PSTPIP2: variants seen among roughly 807,000 people sequenced by gnomAD.
PSTPIP2 encodes proline-serine-threonine phosphatase-interacting protein 2.
A neutral mutation model predicts 63.3 loss-of-function variants in PSTPIP2; 33 were observed. That is an observed-to-expected ratio of 0.52 (90% confidence interval 0.40 to 0.70). PSTPIP2 has a LOEUF of 0.70. Among genes scored for constraint, PSTPIP2 ranks in the 30% least tolerant of loss-of-function variants. The pLI, the probability that PSTPIP2 is intolerant of heterozygous loss-of-function variation, is 0.00. For missense variants in PSTPIP2, 312 were observed against 400.7 expected (o/e 0.78, Z 1.89); for synonymous variants, 125 against 132.7 (o/e 0.94, Z 0.40).
chr18:45,987,747 C>G (rs924837328), intron 14 of PSTPIP2, among the ~76,000 whole-genome samples: 2 of 152,112 alleles, frequency 1.3e-5, no homozygotes, highest in Non-Finnish European at 2.9e-5. Context: ...TTTAGTATCG[C>G]TACTTTGGCT....
intron 1 of PSTPIP2, chr18:46,041,084 GTCAAGGGTA>G: frequency 4.4e-6 from 2 of 456,654 alleles, no homozygotes; most frequent in Non-Finnish European, 8.8e-6. Context: ...GCTATTGAGG[GTCAAGGGTA>G]TCTCTACAAA....
chr18:46,032,920 A>C (rs1212307731), intron 2 of PSTPIP2, among the ~76,000 whole-genome samples: 1 of 152,226 alleles, frequency 6.6e-6, no homozygotes, highest in Non-Finnish European at 1.5e-5. Flanking sequence ...GAGTGAACTG[A>C]AAAGATGAAA....
chr18:46,038,411 G>A (rs1908061791), intron 2 of PSTPIP2, among the ~76,000 whole-genome samples: 1 of 152,170 alleles, frequency 6.6e-6, no homozygotes, highest in South Asian at 2.1e-4. Context: ...CTGGGGTCCT[G>A]AGCCGACAGA....
At chr18:46,017,389 T>G (rs1208154410) in intron 3 of PSTPIP2, among the ~76,000 whole-genome samples, 1 of 152,148 alleles carries the variant, frequency 6.6e-6, no homozygotes, top group Non-Finnish European at 1.5e-5. Context: ...TCCTTTTAAT[T>G]TATCATTCTT....
intron 9 of PSTPIP2, among the ~76,000 whole-genome samples, chr18:45,997,456 G>C (rs1369317268): frequency 5.9e-5 from 9 of 152,112 alleles, no homozygotes; most frequent in African/African-American, 2.2e-4. Context: ...CCAAAGTGCT[G>C]GGATTACAGG....
intron 1 of PSTPIP2, among the ~76,000 whole-genome samples, chr18:46,071,652 G>A (rs1248158260): frequency 2.0e-5 from 3 of 152,116 alleles, no homozygotes; most frequent in Non-Finnish European, 1.5e-5. Flanking sequence ...CGATCCCGGG[G>A]GGCAGCTGCT....
intron 2 of PSTPIP2, among the ~76,000 whole-genome samples, chr18:46,025,341 A>G (rs1323924654): frequency 6.6e-6 from 1 of 152,144 alleles, no homozygotes; most frequent in Non-Finnish European, 1.5e-5. Flanking sequence ...CTCACGGTAA[A>G]AGACTGTAAC....
intron 5 of PSTPIP2, among the ~76,000 whole-genome samples, chr18:46,010,333 C>T (rs2051781708): frequency 6.6e-6 from 1 of 152,192 alleles, no homozygotes; most frequent in Admixed American, 6.5e-5. Flanking sequence ...AAAGAGGTCA[C>T]CAAAAGTCAC....
At chr18:45,988,637 AG>A in intron 14 of PSTPIP2, 64 bp downstream of exon 14, 2 of 1,387,154 alleles carry the variant, frequency 1.4e-6, no homozygotes. Context: ...TAAGGTTCAA[AG>A]GCTTCAATAG....
chr18:46,047,506 C>T (rs139984624), intron 1 of PSTPIP2, among the ~76,000 whole-genome samples: 3,056 of 152,156 alleles, frequency 0.02, 96 homozygotes, highest in African/African-American at 0.07. Flanking sequence ...GCAGGAGAAT[C>T]GCTTAAACTC....
At chr18:46,069,882 G>A (rs1034873084) in intron 1 of PSTPIP2, among the ~76,000 whole-genome samples, 3 of 151,876 alleles carry the variant, frequency 2.0e-5, no homozygotes, top group Non-Finnish European at 4.4e-5. Context: ...GTGGACTTCC[G>A]ATCTCTTCAT....
intron 1 of PSTPIP2, among the ~76,000 whole-genome samples, chr18:46,052,899 G>A (rs1206932337): frequency 2.6e-5 from 4 of 152,090 alleles, no homozygotes; most frequent in South Asian, 2.1e-4. Flanking sequence ...GGATATCAGA[G>A]GTAGAGTACA....
chr18:46,066,219 G>A (rs1231762402), intron 1 of PSTPIP2, among the ~76,000 whole-genome samples: 5 of 151,870 alleles, frequency 3.3e-5, no homozygotes, highest in African/African-American at 7.3e-5. Flanking sequence ...ATGTGCCTGC[G>A]GTTCCAGCTA....
rs111434160 is a variant in PSTPIP2, at chr18:46,037,183, A to G, written c.134+2764T>C. Among the ~76,000 whole-genome samples, 717 of 151,956 alleles carry G rather than the reference A, an allele frequency of 4.7e-3. 10 individuals carry two copies. The highest frequency in any genetic ancestry group is 0.03 in the Admixed American group (453 of 15,262). On this transcript the variant is annotated intron_variant, in intron 2 of 14. Transcript: ENST00000409746. Reference sequence around the variant, plus strand: ...TGTTTTTGTTTTGAGACGGAGTTTCACTCTTGTTGCCCAGGCTGGAGTGCA... The same window carrying G: ...TGTTTTTGTTTTGAGACGGAGTTTCGCTCTTGTTGCCCAGGCTGGAGTGCA...
At chr18:46,035,419 T>TAA (rs35711872) in intron 2 of PSTPIP2, among the ~76,000 whole-genome samples, 42 of 31,850 alleles carry the variant, frequency 1.3e-3, no homozygotes, top group African/African-American at 2.1e-3. Context: ...GACTCTGTCT[T>TAA]AAAAAAAAAA....
In PSTPIP2 at chr18:45,999,516, G is replaced by A. The variant is rs761609746; in HGVS notation, c.436C>T (p.Gln146Ter). ...KTMDAKKNYE[Q>*]KCRDKDEAEQ... ...GCCTCATCTTTGTCCCGGCATTTCT[G>A]CTCATAGTTCTTCTTTGCCTTTGTC... is the stretch of plus-strand genomic sequence containing the variant. Residue 146 changes from glutamine (Q) to a stop codon, truncating the protein, a stop_gained, in exon 7 of 15, where the codon CAG becomes TAG. Transcript: ENST00000409746. LOFTEE classifies it high-confidence loss of function. 6.2e-7 allele frequency: 1 copy of A among 1,614,042 alleles called. No individual in the cohort carries two copies. Among genetic ancestry groups the A allele is most frequent in the Non-Finnish European group, 8.5e-7 (1 of 1,180,036 alleles).
chr18:45,996,173 A>G (rs1904638799), intron 9 of PSTPIP2, among the ~76,000 whole-genome samples: 1 of 152,176 alleles, frequency 6.6e-6, no homozygotes, highest in African/African-American at 2.4e-5. Flanking sequence ...AAGATAACAG[A>G]AGTTGACAAG....
chr18:45,990,858 T>G, intron 12 of PSTPIP2, 102 bp from the exon 13 acceptor site: 1 of 948,110 alleles, frequency 1.1e-6, no homozygotes, highest in Non-Finnish European at 1.6e-6. Context: ...CAGATCTGGT[T>G]TCTGCACTGG....
intron 3 of PSTPIP2, among the ~76,000 whole-genome samples, chr18:46,020,005 TC>T (rs1360302742): frequency 6.6e-6 from 1 of 152,144 alleles, no homozygotes; most frequent in Non-Finnish European, 1.5e-5. Flanking sequence ...AAATTGTCTG[TC>T]CCAAGTTTAA....
Sources: gnomAD v4.1 joint callset for allele counts (sites outside exome capture counted in the v4.1 genomes callset) on GRCh38, gnomAD v4.1.1 for gene constraint, MANE v1.5 for transcripts, NCBI Gene and HGNC (gene_info 2026-07-23, HGNC 2026-07-21) for gene names.